Variants in RRM1 observed in about 807,000 individuals in gnomAD.
RRM1 encodes the protein ribonucleotide reductase catalytic subunit M1, also known as ribonucleoside-diphosphate reductase large subunit.
Under a neutral mutation model 101.5 loss-of-function variants are expected in RRM1, and 19 were observed. The observed-to-expected ratio is 0.19, with a 90% CI of 0.13 to 0.27. RRM1 has a LOEUF of 0.27. Among genes scored for constraint, RRM1 ranks in the 10% least tolerant of loss-of-function variants. RRM1 has a pLI of 1.00. For synonymous variants in RRM1, 298 were observed against 323.4 expected (o/e 0.92, Z 0.84); for missense variants, 500 against 962.9 (o/e 0.52, Z 6.36).
chr11:4,111,944 A>C lies in RRM1; in HGVS notation c.532A>C (p.Ile178Leu). Residue 178 changes from isoleucine (I) to leucine (L), a missense_variant, in exon 7 of 19, where the codon ATC becomes CTC. Physicochemically the swap from Ile to Leu is conservative, Grantham distance 5. Coordinates refer to ENST00000300738, the MANE Select transcript of RRM1 (RefSeq NM_001033.5). ...TATGTTGATGAGAGTATCTGTTGGG[A>C]TCCACAAAGAAGACATTGATGCAGC... Reference protein sequence around the residue: ...QHMLMRVSVGIHKEDIDAAIE... With the variant: ...QHMLMRVSVGLHKEDIDAAIE... 6.2e-7 allele frequency: 1 copy of C among 1,614,104 alleles called. No homozygotes were observed.
chr11:4,128,299 A>G (rs1330349441), intron 14 of RRM1, among the ~76,000 whole-genome samples: 1 of 151,634 alleles, frequency 6.6e-6, no homozygotes, highest in Non-Finnish European at 1.5e-5. Flanking sequence ...GTTAGTAGAG[A>G]TGGGGTTTTG....
rs796657105 is a variant in RRM1, at chr11:4,130,086, ATTTTTTTTTT to A, written c.1769+945_1769+954del. On this transcript the variant is annotated intron_variant, in intron 15 of 18. Coordinates refer to ENST00000300738, the MANE Select transcript of RRM1 (RefSeq NM_001033.5). ...TGTATTTATATATATATATATATAT[ATTTTTTTTTT>A]TTTTTTTTCCCCTCAAAATACTATG... 1.8e-4 allele frequency among the ~76,000 whole-genome samples: 18 copies of A among 99,440 alleles called. 1 individual carries two copies. Among genetic ancestry groups the A allele is most frequent in the Admixed American group, 1.5e-3 (13 of 8,916 alleles). 65.2% of individuals were successfully genotyped at this position (99,440 alleles called of 152,430 possible). A position where few individuals can be genotyped will look rare whatever the true frequency, so the allele number is the denominator to read the frequency against.
chr11:4,121,071 A>G (rs1203231589), intron 9 of RRM1, among the ~76,000 whole-genome samples: 3 of 152,230 alleles, frequency 2.0e-5, no homozygotes, highest in East Asian at 1.9e-4. Context: ...TAGAAGAAAC[A>G]GTAAAGTTGA....
rs1402839566 is a variant in RRM1 at position 4,127,077 on chromosome 11, G to T, written c.1513G>T (p.Val505Leu). ...NKRHRPIGIG[V>L]QGLADAFILM... ...ACGCCATCGCCCCATTGGAATTGGG[G>T]TACAAGGTCTGGCAGATGCTTTTAT... Residue 505 changes from valine to leucine, a missense_variant, in exon 14 of 19, where the codon GTA becomes TTA. Transcript: ENST00000300738. 4 of 1,613,964 alleles carry T rather than the reference G, an allele frequency of 2.5e-6. No homozygotes were observed. Among genetic ancestry groups the T allele is most frequent in the Admixed American group, 1.7e-5 (1 of 59,966 alleles).
At chr11:4,100,998 A>T (rs149350773) in intron 1 of RRM1, among the ~76,000 whole-genome samples, 131 of 152,308 alleles carry the variant, frequency 8.6e-4, no homozygotes, top group African/African-American at 3.1e-3. Flanking sequence ...AGAAGGACAA[A>T]GATATAATCT....
At chr11:4,131,590 T>G (rs1209111812) in intron 15 of RRM1, among the ~76,000 whole-genome samples, 1 of 152,244 alleles carries the variant, frequency 6.6e-6, no homozygotes, top group Non-Finnish European at 1.5e-5. Context: ...TGTGCCTGCC[T>G]GATGAGGAAA....
chr11:4,112,511 C>T (rs1308619828), intron 7 of RRM1, among the ~76,000 whole-genome samples: 2 of 151,974 alleles, frequency 1.3e-5, no homozygotes, highest in African/African-American at 4.8e-5. Context: ...TTACAGGTGC[C>T]CGCCACCACA....
intron 15 of RRM1, among the ~76,000 whole-genome samples, chr11:4,129,411 T>C (rs770592004): frequency 9.2e-5 from 14 of 152,182 alleles, no homozygotes; most frequent in Non-Finnish European, 1.3e-4. Flanking sequence ...TTTTAGGGAC[T>C]TAACACACCT....
chr11:4,136,045 A>G (rs1330838570), intron 18 of RRM1, among the ~76,000 whole-genome samples: 2 of 151,906 alleles, frequency 1.3e-5, no homozygotes, highest in Non-Finnish European at 2.9e-5. Context: ...ATAAAAACAA[A>G]GACAAAAGAA....
intron 2 of RRM1, among the ~76,000 whole-genome samples, chr11:4,103,781 A>ATTTTTTTTTTTT (rs36062278): frequency 4.3e-5 from 5 of 115,258 alleles, no homozygotes; most frequent in African/African-American, 1.4e-4. Flanking sequence ...CCACCACGCT[A>ATTTTTTTTTTTT]TTTTTTTTTT....
intron 1 of RRM1, 160 bp from the exon 2 acceptor site, chr11:4,101,833 A>G: frequency 5.1e-6 from 3 of 592,192 alleles, no homozygotes; most frequent in Admixed American, 3.4e-5. Flanking sequence ...CAGAGAAGAC[A>G]ATCTCTTCAT....
intron 12 of RRM1, among the ~76,000 whole-genome samples, chr11:4,123,851 T>C (rs989786268): frequency 1.3e-5 from 2 of 152,044 alleles, no homozygotes; most frequent in East Asian, 1.9e-4. Context: ...AACAAAAGTA[T>C]GTAAGCTTAT....
intron 12 of RRM1, among the ~76,000 whole-genome samples, chr11:4,124,047 T>C (rs2094585828): frequency 6.6e-6 from 1 of 152,228 alleles, no homozygotes; most frequent in Admixed American, 6.5e-5. Flanking sequence ...CTGGGTTTTA[T>C]GCAGTGTGGC....
chr11:4,101,568 C>CCCCG (rs1554973359), intron 1 of RRM1, among the ~76,000 whole-genome samples: 1 of 137,866 alleles, frequency 7.3e-6, no homozygotes, highest in East Asian at 2.1e-4. Flanking sequence ...CACCCCCCCC[C>CCCCG]GCTCCCTTGG....
At chr11:4,095,075 C>A (rs1341407666) in intron 1 of RRM1, 44 bp downstream of exon 1, 1 of 1,552,460 alleles carries the variant, frequency 6.4e-7, no homozygotes, top group Non-Finnish European at 8.7e-7. Flanking sequence ...TGAGGGGATG[C>A]GGGCTGCCGC....
chr11:4,128,902 A>G (rs964592139), intron 14 of RRM1, among the ~76,000 whole-genome samples, 172 bp from the exon 15 acceptor site: 2 of 152,044 alleles, frequency 1.3e-5, no homozygotes, highest in African/African-American at 4.8e-5. Flanking sequence ...ATATGACTAC[A>G]TGGAATTTTG....
chr11:4,108,216 A>T (rs2094560802), intron 4 of RRM1, among the ~76,000 whole-genome samples: 1 of 152,202 alleles, frequency 6.6e-6, no homozygotes, highest in Non-Finnish European at 1.5e-5. Context: ...ACAGAAGGGA[A>T]AAGATGTAGC....
chr11:4,101,916 A>G (rs2094552016), intron 1 of RRM1, 77 bp from the exon 2 acceptor site: 1 of 790,228 alleles, frequency 1.3e-6, no homozygotes, highest in Non-Finnish European at 2.2e-6. Context: ...TGTTAATTAC[A>G]TTTGATTCTT....
chr11:4,123,895 A>G, intron 12 of RRM1, among the ~76,000 whole-genome samples: 1 of 152,210 alleles, frequency 6.6e-6, no homozygotes, highest in East Asian at 1.9e-4. Context: ...GTGAGATCAA[A>G]TTCTAATCTC....
Sources: gnomAD v4.1 joint callset for allele counts (sites outside exome capture counted in the v4.1 genomes callset) on GRCh38, gnomAD v4.1.1 for gene constraint, MANE v1.5 for transcripts, NCBI Gene and HGNC (gene_info 2026-07-23, HGNC 2026-07-21) for gene names.